AKAP1: variants seen among roughly 807,000 people sequenced by gnomAD.
AKAP1 encodes A-kinase anchoring protein 1.
Under a neutral mutation model 79.8 loss-of-function variants are expected in AKAP1, and 32 were observed. The observed-to-expected ratio is 0.40, with a 90% CI of 0.30 to 0.54. The LOEUF (loss-of-function observed/expected upper bound fraction) is 0.54. Ranked by LOEUF, AKAP1 falls within the 20% of genes least tolerant of loss-of-function variation. The pLI is 0.47. For missense variants in AKAP1, 961 were observed against 1,138.9 expected (o/e 0.84, Z 2.25); for synonymous variants, 416 against 466.7 (o/e 0.89, Z 1.40).
Position 57,110,054 on chromosome 17 carries a change from G to T in AKAP1, c.1744G>T (p.Asp582Tyr). Residue 582 changes from aspartate to tyrosine, a missense_variant, in exon 3 of 11, where the codon GAT (aspartate) becomes TAT (tyrosine). By Grantham distance (160) the Asp-to-Tyr change is radical (BLOSUM62 -3). Transcript: ENST00000337714. ...GSDRNSMDSV[D>Y]SCCSLKKTES... ...TGACAGGAACAGCATGGATTCCGTG[G>T]ATAGCTGTTGCAGTCTCAAGAAGAC... 6.2e-7 allele frequency: 1 copy of T among 1,614,132 alleles called. No individual in the cohort carries two copies. The highest frequency in any genetic ancestry group is 1.1e-5 in the South Asian group (1 of 91,078).
At chr17:57,102,127 T>C (rs1211842617) in intron 1 of AKAP1, among the ~76,000 whole-genome samples, 1 of 152,128 alleles carries the variant, frequency 6.6e-6, no homozygotes, top group East Asian at 1.9e-4. Flanking sequence ...TTTAAGGGAC[T>C]AGTCTCACTG....
intron 1 of AKAP1, among the ~76,000 whole-genome samples, chr17:57,097,884 T>A (rs943983949): frequency 1.6e-4 from 24 of 152,356 alleles, no homozygotes; most frequent in African/African-American, 5.8e-4. Flanking sequence ...GCTGTTGTTT[T>A]TATGGTGGAC....
At chr17:57,115,360 T>C (rs1915516399) in intron 6 of AKAP1, among the ~76,000 whole-genome samples, 1 of 152,212 alleles carries the variant, frequency 6.6e-6, no homozygotes. Flanking sequence ...TTCTCTAAAG[T>C]TGCCTTAACC....
At position 57,093,588 on chromosome 17, in the gene AKAP1, G is replaced by A. The variant is rs1194012268; in HGVS notation, c.-25+8190G>A. ...GCCTTACAAGTTTGTACACAGATGAGTTGACATTAATGCAAATTTAGGATG... is the reference window on the plus strand; with the variant it reads ...GCCTTACAAGTTTGTACACAGATGAATTGACATTAATGCAAATTTAGGATG... On this transcript the variant is annotated intron_variant, in intron 1 of 10. Coordinates refer to ENST00000337714, the MANE Select transcript of AKAP1 (RefSeq NM_003488.4). The A allele has an allele frequency of 2.6e-5, 4 of 152,198 alleles. 1 individual carries two copies. The East Asian group carries it at 5.8e-4, about 22-fold the overall frequency. 9.4% of individuals were successfully genotyped at this position (152,198 alleles called of 1,614,324 possible). A position where few individuals can be genotyped will look rare whatever the true frequency, so the allele number is the denominator to read the frequency against.
intron 8 of AKAP1, among the ~76,000 whole-genome samples, chr17:57,117,741 T>C (rs1431068452): frequency 6.6e-6 from 1 of 152,164 alleles, no homozygotes; most frequent in Non-Finnish European, 1.5e-5. Context: ...CAGCTGAAAC[T>C]TTCTCCTTCG....
intron 2 of AKAP1, chr17:57,108,130 A>T: frequency 1.3e-6 from 1 of 768,234 alleles, no homozygotes; most frequent in South Asian, 2.1e-5. Flanking sequence ...GAATATCCCG[A>T]GTGGCTCTCT....
chr17:57,116,343 A>G, intron 7 of AKAP1, 82 bp downstream of exon 7: 1 of 1,563,060 alleles, frequency 6.4e-7, no homozygotes. Flanking sequence ...CAGTTGTGCC[A>G]GGGCTTGGGT....
intron 5 of AKAP1, among the ~76,000 whole-genome samples, chr17:57,113,331 C>T (rs142916264): frequency 4.9e-4 from 75 of 152,078 alleles, no homozygotes; most frequent in Middle Eastern, 3.4e-3. Context: ...CTGTTGACTA[C>T]GTTTTACACA....
At chr17:57,119,967 A>T (rs1319481185) in intron 10 of AKAP1, among the ~76,000 whole-genome samples, 2 of 151,282 alleles carry the variant, frequency 1.3e-5, no homozygotes, top group Non-Finnish European at 2.9e-5. Context: ...CTGGGATTAC[A>T]GGTGCCTGCC....
rs200630558 is a variant in AKAP1 at position 57,106,755 on chromosome 17, C to T, written c.1291C>T (p.Pro431Ser). Reference protein sequence around the residue: ...LPGLPAEGSPPPKTYVSCLKS... With the variant: ...LPGLPAEGSPSPKTYVSCLKS... Reference sequence around the variant, plus strand: ...AGGCCTACCAGCAGAGGGCTCACCACCACCAAAGACCTACGTGAGCTGCCT... The same window carrying T: ...AGGCCTACCAGCAGAGGGCTCACCATCACCAAAGACCTACGTGAGCTGCCT... The change falls in exon 2 of 11, where the codon CCA (proline) becomes TCA (serine). Residue 431 changes from proline to serine, a missense_variant. Transcript: ENST00000337714. 2.5e-6 allele frequency: 4 copies of T among 1,614,038 alleles called. No homozygotes were observed. Among genetic ancestry groups the T allele is most frequent in the Non-Finnish European group, 3.4e-6 (4 of 1,180,040 alleles).
chr17:57,110,937 C>A (rs2144745535), intron 3 of AKAP1, among the ~76,000 whole-genome samples: 1 of 152,068 alleles, frequency 6.6e-6, no homozygotes, highest in South Asian at 2.1e-4. Flanking sequence ...CCGCATTCTC[C>A]CAGGGCCCTG....
At position 57,120,326 on chromosome 17, in the gene AKAP1, C is replaced by T; in HGVS notation, c.*2C>T. 2 of 1,611,554 alleles carry T rather than the reference C, an allele frequency of 1.2e-6. No individual in the cohort carries two copies. The highest frequency in any genetic ancestry group is 2.2e-5 in the East Asian group (1 of 44,838). Reference sequence around the variant, plus strand: ...GACAGCTACTACACAAGCCTTTGACCCCCATGCTGCTTCCTGAGAGTCTTT... The same window carrying T: ...GACAGCTACTACACAAGCCTTTGACTCCCATGCTGCTTCCTGAGAGTCTTT... On this transcript the variant is annotated 3_prime_UTR_variant, in exon 11 of 11. Coordinates refer to ENST00000337714, the MANE Select transcript of AKAP1 (RefSeq NM_003488.4).
intron 10 of AKAP1, among the ~76,000 whole-genome samples, chr17:57,119,348 G>T (rs1307447762): frequency 6.6e-6 from 1 of 152,100 alleles, no homozygotes; most frequent in East Asian, 1.9e-4. Flanking sequence ...GACTTTCTGG[G>T]ACCTTCTGTC....
At chr17:57,091,191 T>A (rs1913761327) in intron 1 of AKAP1, among the ~76,000 whole-genome samples, 1 of 152,174 alleles carries the variant, frequency 6.6e-6, no homozygotes, top group Non-Finnish European at 1.5e-5. Flanking sequence ...AGACCCACAC[T>A]CAGCTGTGCC....
Position 57,106,039 on chromosome 17 carries a change from C to G in AKAP1, c.575C>G (p.Ser192Cys). 1 of 1,612,944 alleles carries G rather than the reference C, an allele frequency of 6.2e-7. No homozygotes were observed. The highest frequency in any genetic ancestry group is 8.5e-7 in the Non-Finnish European group (1 of 1,179,598). The change falls in exon 2 of 11, where the codon TCT (serine) becomes TGT (cysteine). Residue 192 changes from serine to cysteine, a missense_variant. This residue lies in a region of AKAP1 where 224 missense variants were observed against 210.2 expected (regional missense o/e 1.07). Transcript: ENST00000337714. ...GTAGTCCCCGCAGAGAAGCGTAGCT[C>G]TGGGGAGAGGGCAAGAGAGACAGGT... ...YPVVPAEKRS[S>C]GERARETGGA...
chr17:57,105,682 G>A lies in AKAP1; in HGVS notation c.218G>A (p.Ser73Asn), dbSNP rs1437142563. The A allele has an allele frequency of 1.9e-6, 3 of 1,614,148 alleles. No homozygotes were observed. The highest frequency in any genetic ancestry group is 2.2e-5 in the South Asian group (2 of 91,088). Reference sequence around the variant, plus strand: ...CCCAAAGTAGTGTCCACACCCCCCAGTGTCACAGAGCCTCCAGAAAAGGAA... The same window carrying A: ...CCCAAAGTAGTGTCCACACCCCCCAATGTCACAGAGCCTCCAGAAAAGGAA... ...VCPKVVSTPPSVTEPPEKELS... is the reference protein window; with the variant it reads ...VCPKVVSTPPNVTEPPEKELS... Residue 73 changes from serine to asparagine, a missense_variant, in exon 2 of 11, where the codon AGT (serine) becomes AAT (asparagine). Physicochemically the swap from Ser to Asn is conservative, Grantham distance 46. This residue lies in a region of AKAP1 where 108 missense variants were observed against 147.6 expected (regional missense o/e 0.73). Coordinates refer to ENST00000337714, the MANE Select transcript of AKAP1 (RefSeq NM_003488.4).
chr17:57,115,025 A>G, intron 6 of AKAP1, among the ~76,000 whole-genome samples: 1 of 152,050 alleles, frequency 6.6e-6, no homozygotes, highest in Non-Finnish European at 1.5e-5. Flanking sequence ...CATATAAAGC[A>G]CTTATGCATA....
chr17:57,109,930 G>A, intron 2 of AKAP1, 95 bp from the exon 3 acceptor site: 1 of 1,525,920 alleles, frequency 6.6e-7, no homozygotes, highest in East Asian at 2.3e-5. Flanking sequence ...TGTGGGGCAG[G>A]GCCTCCTGGG....
chr17:57,105,927 GT>G lies in AKAP1; in HGVS notation c.464del (p.Val155AspfsTer30). The part of the protein sequence containing the change: ...LECPLSSPKG[V>X]LFSSKSAEVC... ...GTGCCCCCTTTCATCCCCAAAGGGT[GT>G]ACTATTCTCCAGCAAATCAGCTGAG... On this transcript the variant is annotated frameshift_variant, in exon 2 of 11. Transcript: ENST00000337714. LOFTEE classifies it high-confidence loss of function. 1 of 1,614,216 alleles carries G rather than the reference GT, an allele frequency of 6.2e-7. No homozygotes were observed. Among genetic ancestry groups the G allele is most frequent in the East Asian group, 2.2e-5 (1 of 44,886 alleles).
Sources: allele counts gnomAD v4.1 joint callset (sites outside exome capture counted in the v4.1 genomes callset), GRCh38; gene constraint gnomAD v4.1.1; regional missense constraint gnomAD v4.1.1; transcripts MANE v1.5; gene names NCBI Gene and HGNC (gene_info 2026-07-23, HGNC 2026-07-21).